Variants in XPNPEP2 observed in about 807,000 individuals in gnomAD.
XPNPEP2 encodes X-prolyl aminopeptidase 2.
A neutral mutation model predicts 59.8 loss-of-function variants in XPNPEP2; 64 were observed. That is an observed-to-expected ratio of 1.07 (90% CI 0.87 to 1.32). The LOEUF is 1.32. XPNPEP2 is among the 40% of genes most tolerant of loss of function. The pLI is 0.00. For synonymous variants in XPNPEP2, 235 were observed against 210.0 expected (o/e 1.12, Z -1.03); for missense variants, 575 against 546.8 (o/e 1.05, Z -0.51).
Position 129,739,120 on chromosome X carries a change from A to AGCCC in XPNPEP2, c.-93_-90dup. On this transcript the variant is annotated 5_prime_UTR_variant, in exon 1 of 21. Transcript: ENST00000371106. ...CCAGCCCCCACCCTCTGTCTGCTCG[A>AGCCC]GCCCAGGAAAGGCCTGAAGGAAGAG... is the stretch of plus-strand genomic sequence containing the variant. The AGCCC allele has an allele frequency of 2.1e-6, 2 of 952,474 alleles. No homozygotes were observed. The highest frequency in any genetic ancestry group is 6.2e-5 in the East Asian group (2 of 32,187). 78.5% of individuals were successfully genotyped at this position (952,474 alleles called of 1,213,427 possible). A position where few individuals can be genotyped will look rare whatever the true frequency, so the allele number is the denominator to read the frequency against.
At chrX:129,755,790 G>A (rs917962408) in intron 13 of XPNPEP2, among the ~76,000 whole-genome samples, 21 of 112,871 alleles carry the variant, frequency 1.9e-4, no homozygotes, top group African/African-American at 6.8e-4. Flanking sequence ...ATGAAAAGCT[G>A]ACCAGCTGCC....
chrX:129,741,954 T>C (rs1038829810), intron 1 of XPNPEP2, among the ~76,000 whole-genome samples, 154 bp from the exon 2 acceptor site: 1 of 112,263 alleles, frequency 8.9e-6, no homozygotes, highest in Non-Finnish European at 1.9e-5. Context: ...TGATTTCCTA[T>C]GAAATGTGAT....
In XPNPEP2 at chrX:129,767,649, A is replaced by G. The variant is rs1346576271; in HGVS notation, c.1787A>G (p.Tyr596Cys). 1 of 1,209,475 alleles carries G rather than the reference A, an allele frequency of 8.3e-7. No individual in the cohort carries two copies. Among genetic ancestry groups the G allele is most frequent in the African/African-American group, 1.8e-5 (1 of 56,946 alleles). Residue 596 changes from tyrosine (Y) to cysteine (C), a missense_variant, in exon 20 of 21, where the codon TAT (tyrosine) becomes TGT (cysteine). By Grantham distance (194) the Tyr-to-Cys change is radical. Transcript: ENST00000371106. ...LTFEVVSFVP[Y>C]DRNLIDVSLL... is the part of the protein sequence containing the mutation. ...TTTGAAGTGGTATCATTTGTGCCCT[A>G]TGACCGGAACCTCATCGATGTCAGC...
In XPNPEP2 at chrX:129,761,195, C is replaced by T. The variant is rs1569477585; in HGVS notation, c.1522C>T (p.Arg508Cys). The part of the protein sequence containing the change: ...TSGRMVEAFA[R>C]RALWDAGLNY... ...AGGGCGAATGGTGGAGGCCTTTGCCCGCAGAGCCTTGTGGGATGCTGGTCT... is the reference window on the plus strand; with the variant it reads ...AGGGCGAATGGTGGAGGCCTTTGCCTGCAGAGCCTTGTGGGATGCTGGTCT... The change falls in exon 17 of 21, where the codon CGC (arginine) becomes TGC (cysteine). Residue 508 changes from arginine (R) to cysteine (C), a missense_variant. Physicochemically the swap from Arg to Cys is radical, Grantham distance 180. Coordinates refer to ENST00000371106, the MANE Select transcript of XPNPEP2 (RefSeq NM_003399.6). 5.8e-6 allele frequency: 7 copies of T among 1,210,257 alleles called. No individual in the cohort carries two copies. The highest frequency in any genetic ancestry group is 1.7e-5 in the African/African-American group (1 of 57,264).
chrX:129,753,632 CA>C (rs771985916), intron 11 of XPNPEP2, among the ~76,000 whole-genome samples: 1 of 106,964 alleles, frequency 9.3e-6, no homozygotes. Flanking sequence ...GAGACTAGGT[CA>C]AAAAAAAAGA....
chrX:129,765,706 T>G (rs1367805389), intron 19 of XPNPEP2, among the ~76,000 whole-genome samples: 1 of 103,901 alleles, frequency 9.6e-6, no homozygotes, highest in Non-Finnish European at 2.0e-5. Flanking sequence ...GGCGAGATCT[T>G]GGCTCACTGC....
At position 129,768,697 on chromosome X, in the gene XPNPEP2, C is replaced by T. The variant is rs1035763675; in HGVS notation, c.*212C>T. The T allele has an allele frequency of 2.7e-5, 9 of 329,064 alleles. No individual in the cohort carries two copies. Among genetic ancestry groups the T allele is most frequent in the Admixed American group, 5.5e-5 (1 of 18,114 alleles). 27.1% of individuals were successfully genotyped at this position (329,064 alleles called of 1,213,427 possible). On this transcript the variant is annotated 3_prime_UTR_variant, in exon 21 of 21. Transcript: ENST00000371106. Reference sequence around the variant, plus strand: ...CCCCAGATGGCACCTCCCTGCACCCCGGGGTTGTATACCACACCCTGGGCC... The same window carrying T: ...CCCCAGATGGCACCTCCCTGCACCCTGGGGTTGTATACCACACCCTGGGCC...
In XPNPEP2 at chrX:129,757,153, A is replaced by C. The variant is rs188066065; in HGVS notation, c.1367+598A>C. On this transcript the variant is annotated intron_variant, in intron 14 of 20. Coordinates refer to ENST00000371106, the MANE Select transcript of XPNPEP2 (RefSeq NM_003399.6). ...TCACCATGTTGGCCAGGCTGTTCTCAAACTCCTGACCTCAGGTGATCCACC... is the reference window on the plus strand; with the variant it reads ...TCACCATGTTGGCCAGGCTGTTCTCCAACTCCTGACCTCAGGTGATCCACC... Among the ~76,000 whole-genome samples, 5 of 104,307 alleles carry C rather than the reference A, an allele frequency of 4.8e-5. No homozygotes were observed. The East Asian group carries it at 1.6e-3, about 34-fold the overall frequency. The allele number at this position is 104,307 out of a possible 115,157, so 90.6% of individuals were successfully genotyped here.
At chrX:129,767,760 C>T in intron 20 of XPNPEP2, 68 bp downstream of exon 20, 3 of 1,093,902 alleles carry the variant, frequency 2.7e-6, no homozygotes, top group Non-Finnish European at 3.8e-6. Context: ...CCTGCCACCA[C>T]ATCCTCTGTC....
chrX:129,761,921 C>T, intron 17 of XPNPEP2, 85 bp from the exon 18 acceptor site: 4 of 976,896 alleles, frequency 4.1e-6, no homozygotes, highest in Admixed American at 2.2e-5. Context: ...GGGATCCTCA[C>T]TTATCTGCTC....
chrX:129,755,235 C>A, intron 12 of XPNPEP2, 59 bp from the exon 13 acceptor site: 1 of 1,095,876 alleles, frequency 9.1e-7, no homozygotes, highest in Non-Finnish European at 1.3e-6. Flanking sequence ...TTAGATATCC[C>A]GGGCCCAGCC....
chrX:129,743,842 A>G (rs1926243460), intron 2 of XPNPEP2, 119 bp from the exon 3 acceptor site: 3 of 620,586 alleles, frequency 4.8e-6, no homozygotes, highest in African/African-American at 2.2e-5. Flanking sequence ...ACTTCCCCCA[A>G]CCGCTGCTTC....
rs371722070 is a variant in XPNPEP2 at position 129,758,427 on chromosome X, G to T, written c.1368-753G>T. ...CCCATGACCCAAGGAGAAGCCCCAG[G>T]GCCCTGGGACCATTTCTCCCCTCTC... On this transcript the variant is annotated intron_variant, in intron 14 of 20. Coordinates refer to ENST00000371106, the MANE Select transcript of XPNPEP2 (RefSeq NM_003399.6). Among the ~76,000 whole-genome samples the T allele has an allele frequency of 2.1e-4, 23 of 111,250 alleles. No homozygotes were observed. The East Asian group carries it at 5.9e-3, about 29-fold the overall frequency.
intron 4 of XPNPEP2, among the ~76,000 whole-genome samples, chrX:129,745,818 C>CTGCCTCG (rs1184718211): frequency 1.8e-5 from 2 of 111,778 alleles, no homozygotes; most frequent in Non-Finnish European, 3.8e-5. Context: ...TCAAACTACC[C>CTGCCTCG]TGCCTCGTGC....
At chrX:129,757,915 GAAAGAAAGA>G (rs1569477276) in intron 14 of XPNPEP2, among the ~76,000 whole-genome samples, 131 of 95,776 alleles carry the variant, frequency 1.4e-3, no homozygotes, top group Non-Finnish European at 1.7e-3. Context: ...AAGAAAGAAA[GAAAGAAAGA>G]AAGAAAGAAA....
At position 129,752,254 on chromosome X, in the gene XPNPEP2, G is replaced by A. The variant is rs201119408; in HGVS notation, c.926G>A (p.Arg309His). Reference protein sequence around the residue: ...CVQIEDYSQVRDSIQAYSLGD... With the variant: ...CVQIEDYSQVHDSIQAYSLGD... ...CAAATCGAGGATTACAGCCAAGTTC[G>A]TGACAGCATCCAGGCCTACTCATTG... is the stretch of plus-strand genomic sequence containing the variant. The change falls in exon 10 of 21, where the codon CGT (arginine) becomes CAT (histidine). Residue 309 changes from arginine (R) to histidine (H), a missense_variant. By Grantham distance (29) the Arg-to-His change is conservative. Coordinates refer to ENST00000371106, the MANE Select transcript of XPNPEP2 (RefSeq NM_003399.6). 8.8e-4 allele frequency: 1,069 copies of A among 1,210,622 alleles called. 5 individuals carry two copies. The South Asian group carries it at 0.016, about 18-fold the overall frequency.
chrX:129,739,463 C>A (rs1287378410), intron 1 of XPNPEP2, among the ~76,000 whole-genome samples: 1 of 111,484 alleles, frequency 9.0e-6, no homozygotes, highest in Non-Finnish European at 1.9e-5. Flanking sequence ...CCATTCCCCC[C>A]GTTATAGAAA....
chrX:129,757,073 T>TACACACACACACAC lies in XPNPEP2; in HGVS notation c.1367+524_1367+537dup, dbSNP rs752092311. The stretch of plus-strand genomic sequence containing the variant: ...ACACACACATATATATACACACACA[T>TACACACACACACAC]ACACACACACACACACACATATATA... On this transcript the variant is annotated intron_variant, in intron 14 of 20. Transcript: ENST00000371106. 3.8e-3 allele frequency among the ~76,000 whole-genome samples: 321 copies of TACACACACACACAC among 83,684 alleles called. 4 individuals are homozygous for TACACACACACACAC. Among genetic ancestry groups the TACACACACACACAC allele is most frequent in the African/African-American group, 0.013 (304 of 22,734 alleles). 72.7% of individuals were successfully genotyped at this position (83,684 alleles called of 115,157 possible). A position where few individuals can be genotyped will look rare whatever the true frequency, so the allele number is the denominator to read the frequency against.
Position 129,750,284 on chromosome X carries a change from G to C in XPNPEP2, c.638-184G>C, listed in dbSNP as rs147597652. 8.8e-3 allele frequency among the ~76,000 whole-genome samples: 988 copies of C among 112,616 alleles called. 16 individuals are homozygous for C. The highest frequency in any genetic ancestry group is 0.03 in the African/African-American group (945 of 31,002). ...TCCAGTAATGGCAAAGCCAGGATTTGAGCCCCATCTGGGTCCAGGGCCCAT... is the reference window on the plus strand; with the variant it reads ...TCCAGTAATGGCAAAGCCAGGATTTCAGCCCCATCTGGGTCCAGGGCCCAT... On this transcript the variant is annotated intron_variant, in intron 7 of 20. Coordinates refer to ENST00000371106, the MANE Select transcript of XPNPEP2 (RefSeq NM_003399.6).
Sources: allele counts gnomAD v4.1 joint callset (sites outside exome capture counted in the v4.1 genomes callset), GRCh38; gene constraint gnomAD v4.1.1; transcripts MANE v1.5; gene names NCBI Gene and HGNC (gene_info 2026-07-23, HGNC 2026-07-21).